The following MUC12 variants were observed in gnomAD, a reference collection of about 807,000 sequenced individuals.
The protein encoded by MUC12 is mucin 12, cell surface associated.
MUC12 carries 172 observed loss-of-function variants against 230.8 expected under a neutral mutation model. That is an observed-to-expected ratio of 0.75 (90% CI 0.66 to 0.85). MUC12 has a LOEUF of 0.85. Ranked by LOEUF, MUC12 falls within the 40% of genes least tolerant of loss-of-function variation. The pLI is 0.00. For missense variants in MUC12, 3,506 were observed against 5,920.6 expected, an observed-to-expected ratio of 0.59 and a Z score of 13.38; for synonymous variants, 1,259 against 2,401.9, an observed-to-expected ratio of 0.52 and a Z score of 13.91.
chr7:101,004,644 G>A lies in MUC12; in HGVS notation c.14081G>A (p.Gly4694Glu). The A allele has an allele frequency of 1.3e-6, 2 of 1,537,202 alleles. No homozygotes were observed. Among genetic ancestry groups the A allele is most frequent in the Non-Finnish European group, 1.7e-6 (2 of 1,146,578 alleles). Reference protein sequence around the residue: ...TASHSSPDTNGITPLPAHFTT... With the variant: ...TASHSSPDTNEITPLPAHFTT... ...TCCCACAGCAGCCCAGATACAAATG[G>A]AATCACACCCTTACCTGCCCATTTT... Residue 4694 changes from glycine to glutamate, a missense_variant, in exon 2 of 12, where the codon GGA (glycine) becomes GAA (glutamate). Gly to Glu is a moderately conservative substitution (Grantham distance 98). Coordinates refer to ENST00000536621, the MANE Select transcript of MUC12 (RefSeq NM_001164462.2).
At chr7:100,980,751 C>A (rs1793093360) in intron 1 of MUC12, among the ~76,000 whole-genome samples, 1 of 151,956 alleles carries the variant, frequency 6.6e-6, no homozygotes, top group Admixed American at 6.6e-5. Flanking sequence ...AGTGAGACCC[C>A]ATCTCTACAA....
Position 101,013,071 on chromosome 7 carries a change from C to A in MUC12, c.15567C>A (p.Thr5189=). The A allele has an allele frequency of 1.3e-6, 2 of 1,537,320 alleles. No individual in the cohort carries two copies. The highest frequency in any genetic ancestry group is 1.7e-6 in the Non-Finnish European group (2 of 1,146,926). ...AGCTGGCCTGTGTGAACAAGTGCAC[C>A]AAAGGAACGAAGTCGCAAATGAACT... ...DGKLACVNKC[T]KGTKSQMNCN... Residue 5189 remains threonine (T), a synonymous_variant, in exon 8 of 12, where the codon ACC becomes ACA. Coordinates refer to ENST00000536621, the MANE Select transcript of MUC12 (RefSeq NM_001164462.2).
At chr7:101,014,231 G>A (rs981993933) in intron 9 of MUC12, 157 bp downstream of exon 9, 11 of 760,888 alleles carry the variant, frequency 1.4e-5, no homozygotes, top group Non-Finnish European at 2.0e-5. Context: ...AGCCCTGGGT[G>A]CAGCAAAGGG....
At position 101,005,332 on chromosome 7, in the gene MUC12, C is replaced by T; in HGVS notation, c.14769C>T (p.Arg4923=). The part of the protein sequence containing the change: ...DATGTTPLPA[R]STASDLVGEP... Reference sequence around the variant, plus strand: ...CTGGAACAACACCCTTACCTGCCCGCTCCACAGCCTCAGACCTTGTTGGAG... The same window carrying T: ...CTGGAACAACACCCTTACCTGCCCGTTCCACAGCCTCAGACCTTGTTGGAG... The change falls in exon 2 of 12, where the codon CGC becomes CGT. Residue 4923 remains arginine (R), a synonymous_variant. Transcript: ENST00000536621. 1 of 1,537,952 alleles carries T rather than the reference C, an allele frequency of 6.5e-7. No individual in the cohort carries two copies. Among genetic ancestry groups the T allele is most frequent in the Non-Finnish European group, 8.7e-7 (1 of 1,147,064 alleles).
At chr7:101,006,092 C>T (rs564659822) in intron 2 of MUC12, among the ~76,000 whole-genome samples, 12 of 152,160 alleles carry the variant, frequency 7.9e-5, no homozygotes, top group African/African-American at 1.2e-4. Context: ...GCCACCGCGC[C>T]GGGCCTCCTT....
intron 3 of MUC12, among the ~76,000 whole-genome samples, chr7:101,007,337 C>A (rs1252263976): frequency 6.6e-6 from 1 of 152,132 alleles, no homozygotes; most frequent in African/African-American, 2.4e-5. Context: ...AGGTCTTATT[C>A]ATCCTTTCTA....
intron 5 of MUC12, among the ~76,000 whole-genome samples, chr7:101,010,656 A>C (rs1318334292): frequency 6.6e-6 from 1 of 152,118 alleles, no homozygotes; most frequent in Non-Finnish European, 1.5e-5. Flanking sequence ...CTGGGACTAC[A>C]GGCACATGTC....
rs574625661 is a variant in MUC12 at position 100,994,124 on chromosome 7, A to G, written c.3561A>G (p.Thr1187=). 3.9e-6 allele frequency: 4 copies of G among 1,029,680 alleles called. No homozygotes were observed. Among genetic ancestry groups the G allele is most frequent in the African/African-American group, 4.2e-5 (2 of 47,558 alleles). The allele number at this position is 1,029,680 out of a possible 1,614,324, so 63.8% of individuals were successfully genotyped here. A position where few individuals can be genotyped will look rare whatever the true frequency, so the allele number is the denominator to read the frequency against. The change falls in exon 2 of 12, where the codon ACA becomes ACG. Residue 1187 remains threonine, a synonymous_variant. Coordinates refer to ENST00000536621, the MANE Select transcript of MUC12 (RefSeq NM_001164462.2). ...TTTSVHGEEP[T]TFHSRPASTH... ...CCTCAGTTCATGGTGAAGAGCCTAC[A>G]ACCTTCCACAGCCGGCCAGCCTCAA... is the stretch of plus-strand genomic sequence containing the variant.
chr7:101,008,852 T>C, intron 4 of MUC12, 91 bp downstream of exon 4: 1 of 1,442,670 alleles, frequency 6.9e-7, no homozygotes, highest in African/African-American at 1.4e-5. Context: ...TCTGAGTTCT[T>C]CTGCTCATGA....
At position 101,005,384 on chromosome 7, in the gene MUC12, T is replaced by A; in HGVS notation, c.14821T>A (p.Ser4941Thr). Residue 4941 changes from serine (S) to threonine (T), a missense_variant, in exon 2 of 12, where the codon TCC becomes ACC. Transcript: ENST00000536621. ...GEPTTFYISP[S>T]PTYTTLFPAS... Reference sequence around the variant, plus strand: ...ACCTACAACTTTCTACATCAGCCCATCCCCTACTTACACAACACTCTTTCC... The same window carrying A: ...ACCTACAACTTTCTACATCAGCCCAACCCCTACTTACACAACACTCTTTCC... The A allele has an allele frequency of 1.3e-6, 2 of 1,537,676 alleles. No individual in the cohort carries two copies. Among genetic ancestry groups the A allele is most frequent in the Non-Finnish European group, 1.7e-6 (2 of 1,147,000 alleles).
rs370911866 is a variant in MUC12, at chr7:100,991,030, C to T, written c.467C>T (p.Thr156Met). 1.3e-4 allele frequency: 201 copies of T among 1,537,854 alleles called. No homozygotes were observed. The highest frequency in any genetic ancestry group is 3.8e-4 in the African/African-American group (28 of 73,132). ...GACAGAACACTCTCACCTGCCCGCA[C>T]GACAAGCTCAGGCGTCAGTGAAAAA... ...SPDRTLSPAR[T>M]TSSGVSEKST... The change falls in exon 2 of 12, where the codon ACG becomes ATG. Residue 156 changes from threonine to methionine, a missense_variant. Coordinates refer to ENST00000536621, the MANE Select transcript of MUC12 (RefSeq NM_001164462.2).
intron 1 of MUC12, chr7:100,973,183 G>A (rs1451545370): frequency 6.5e-6 from 4 of 611,964 alleles, no homozygotes; most frequent in Non-Finnish European, 1.2e-5. Context: ...GGCACCCAAA[G>A]CTATCCTGGG....
chr7:101,009,452 T>C (rs1441474480), intron 5 of MUC12, among the ~76,000 whole-genome samples: 2 of 152,100 alleles, frequency 1.3e-5, no homozygotes, highest in Non-Finnish European at 2.9e-5. Context: ...AGCAGTCTGC[T>C]TAGAGTTTCA....
Position 101,005,128 on chromosome 7 carries a change from C to T in MUC12, c.14565C>T (p.Ser4855=). 1 of 1,537,984 alleles carries T rather than the reference C, an allele frequency of 6.5e-7. No homozygotes were observed. The highest frequency in any genetic ancestry group is 8.7e-7 in the Non-Finnish European group (1 of 1,147,084). The change falls in exon 2 of 12, where the codon AGC becomes AGT. Residue 4855 remains serine, a synonymous_variant. Transcript: ENST00000536621. The part of the protein sequence containing the change: ...GLSEESTTFY[S]SPGSTETTAF... The stretch of plus-strand genomic sequence containing the variant: ...GTGAGGAATCTACCACCTTCTACAG[C>T]AGCCCAGGCTCAACTGAAACCACAG...
intron 1 of MUC12, among the ~76,000 whole-genome samples, chr7:100,970,951 C>A (rs1010734295): frequency 5.9e-5 from 9 of 151,322 alleles, no homozygotes; most frequent in African/African-American, 2.2e-4. Context: ...GAGCCGAGAT[C>A]GCGCCACTGC....
chr7:101,013,292 T>G, intron 8 of MUC12, 150 bp downstream of exon 8: 18 of 792,054 alleles, frequency 2.3e-5, no homozygotes, highest in Non-Finnish European at 2.8e-5. Context: ...TGTAATCTCA[T>G]TCCCACCCCC....
Position 100,991,872 on chromosome 7 carries a change from T to A in MUC12, c.1309T>A (p.Ser437Thr). The A allele has an allele frequency of 1.3e-6, 2 of 1,537,680 alleles. No individual in the cohort carries two copies. Among genetic ancestry groups the A allele is most frequent in the Non-Finnish European group, 1.7e-6 (2 of 1,146,842 alleles). The change falls in exon 2 of 12, where the codon TCA becomes ACA. Residue 437 changes from serine (S) to threonine (T), a missense_variant. By Grantham distance (58) the Ser-to-Thr change is moderately conservative (BLOSUM62 1). Coordinates refer to ENST00000536621, the MANE Select transcript of MUC12 (RefSeq NM_001164462.2). ...CACAATCTCAGGCCGTAGTGAGGAATCAAAAGCATCCCACAGCAGCCCAGA... is the reference window on the plus strand; with the variant it reads ...CACAATCTCAGGCCGTAGTGAGGAAACAAAAGCATCCCACAGCAGCCCAGA... ...SSTISGRSEESKASHSSPDAM... is the reference protein window; with the variant it reads ...SSTISGRSEETKASHSSPDAM...
intron 11 of MUC12, 138 bp from the exon 12 acceptor site, chr7:101,018,444 CCCTCCTCTCCCTA>C: frequency 6.4e-6 from 2 of 311,574 alleles, no homozygotes; most frequent in Non-Finnish European, 1.2e-5. Context: ...CCCCGCCACT[CCCTCCTCTCCCTA>C]GGACTCCCTC....
At chr7:101,005,987 G>A (rs956128546) in intron 2 of MUC12, among the ~76,000 whole-genome samples, 1 of 151,924 alleles carries the variant, frequency 6.6e-6, no homozygotes, top group African/African-American at 2.4e-5. Flanking sequence ...TAGTAGAGAC[G>A]GGTTTTTACC....
Sources: gnomAD v4.1 joint callset for allele counts (sites outside exome capture counted in the v4.1 genomes callset) on GRCh38, gnomAD v4.1.1 for gene constraint, MANE v1.5 for transcripts, NCBI Gene and HGNC (gene_info 2026-07-23, HGNC 2026-07-21) for gene names.